Variants in KIFAP3 observed in about 807,000 individuals in gnomAD.
The protein encoded by KIFAP3 is kinesin associated protein 3.
A neutral mutation model predicts 106.5 loss-of-function variants in KIFAP3; 68 were observed. The observed-to-expected ratio is 0.64, with a 90% CI of 0.53 to 0.78. The LOEUF is 0.78. KIFAP3 is among the 30% of genes least tolerant of loss of function. The pLI is 0.00. For synonymous variants in KIFAP3, 320 were observed against 311.5 expected (o/e 1.03, Z -0.29); for missense variants, 780 against 941.8 (o/e 0.83, Z 2.25).
At chr1:170,043,933 G>A (rs1239243891) in intron 3 of KIFAP3, among the ~76,000 whole-genome samples, 1 of 152,124 alleles carries the variant, frequency 6.6e-6, no homozygotes, top group Non-Finnish European at 1.5e-5. Context: ...TAAAAAATCA[G>A]AAGACAAAGA....
chr1:169,970,357 C>T (rs1467685980), intron 17 of KIFAP3, among the ~76,000 whole-genome samples: 1 of 152,062 alleles, frequency 6.6e-6, no homozygotes, highest in Admixed American at 6.6e-5. Flanking sequence ...TGCCACCGCA[C>T]ACCTGTTTCA....
At chr1:169,960,010 T>C (rs1665235802) in intron 18 of KIFAP3, among the ~76,000 whole-genome samples, 1 of 152,086 alleles carries the variant, frequency 6.6e-6, no homozygotes, top group Admixed American at 6.5e-5. Flanking sequence ...TAAGTATCTA[T>C]ACCAAATACA....
intron 18 of KIFAP3, among the ~76,000 whole-genome samples, chr1:169,955,263 G>A (rs532867873): frequency 1.3e-5 from 2 of 152,236 alleles, no homozygotes; most frequent in Admixed American, 6.5e-5. Flanking sequence ...TGCAAATACT[G>A]TGCTAGGTCC....
In KIFAP3 at chr1:170,074,682, G is replaced by T. The variant is rs937157165; in HGVS notation, c.-215C>A. ...CAAAACACTGGAGCGGCCCAGACCC[G>T]CCCAGAGTCGCCTAAGCCGGGCCGT... On this transcript the variant is annotated 5_prime_UTR_variant, in exon 1 of 20. Transcript: ENST00000361580. 2.1e-6 allele frequency: 3 copies of T among 1,413,578 alleles called. No individual in the cohort carries two copies. The highest frequency in any genetic ancestry group is 1.5e-5 in the South Asian group (1 of 66,456). The allele number at this position is 1,413,578 out of a possible 1,614,324, so 87.6% of individuals were successfully genotyped here. A position where few individuals can be genotyped will look rare whatever the true frequency, so the allele number is the denominator to read the frequency against.
At chr1:170,046,992 T>G (rs938719782) in intron 2 of KIFAP3, 126 bp from the exon 3 acceptor site, 11 of 467,914 alleles carry the variant, frequency 2.4e-5, no homozygotes, top group Non-Finnish European at 3.8e-5. Context: ...CTTAGTAAAA[T>G]AAACTATTAG....
At chr1:170,077,221 C>A (rs1039034326), upstream of KIFAP3, among the ~76,000 whole-genome samples, 1 of 152,142 alleles carries the variant, frequency 6.6e-6, no homozygotes, top group East Asian at 1.9e-4. Flanking sequence ...AGGATGTGGG[C>A]GGGGCCAAAC....
chr1:169,973,105 G>GTGTGTGTATA (rs145406203), intron 16 of KIFAP3, among the ~76,000 whole-genome samples: 2 of 90,314 alleles, frequency 2.2e-5, no homozygotes, highest in African/African-American at 9.1e-5. Flanking sequence ...AAAATAGTGT[G>GTGTGTGTATA]TATATATATA....
rs574680778 is a variant in KIFAP3 at position 169,924,618 on chromosome 1, T to C, written c.2274-2837A>G. 1.8e-3 allele frequency among the ~76,000 whole-genome samples: 34 copies of C among 18,786 alleles called. No homozygotes were observed. In the African/African-American group the frequency reaches 0.025, roughly 14 times the overall value. The allele number at this position is 18,786 out of a possible 152,430, so 12.3% of individuals were successfully genotyped here. A position where few individuals can be genotyped will look rare whatever the true frequency, so the allele number is the denominator to read the frequency against. ...ACTGTGAAACATAACAGTTTGTTTCTTTAAACTCTCATTTGCTTCTTTCTA... is the reference window on the plus strand; with the variant it reads ...ACTGTGAAACATAACAGTTTGTTTCCTTAAACTCTCATTTGCTTCTTTCTA... On this transcript the variant is annotated intron_variant, in intron 19 of 19. Coordinates refer to ENST00000361580, the MANE Select transcript of KIFAP3 (RefSeq NM_014970.4).
At chr1:170,024,030 T>C (rs1205675328) in intron 9 of KIFAP3, 1 of 153,528 alleles carries the variant, frequency 6.5e-6, no homozygotes, top group Admixed American at 6.5e-5. Context: ...GAAGTGTAGG[T>C]AACAATGAAG....
chr1:169,942,886 A>G (rs1352990876), intron 19 of KIFAP3, among the ~76,000 whole-genome samples: 1 of 148,408 alleles, frequency 6.7e-6, no homozygotes, highest in Admixed American at 6.7e-5. Flanking sequence ...TGTCTTAGAT[A>G]CTTCCGTAAG....
At chr1:169,946,394 T>C (rs1282967522) in intron 19 of KIFAP3, among the ~76,000 whole-genome samples, 2 of 152,164 alleles carry the variant, frequency 1.3e-5, no homozygotes, top group Non-Finnish European at 2.9e-5. Context: ...GTAAACAGTA[T>C]GTCATGTTGC....
At chr1:170,022,636 C>G (rs1668904665) in intron 9 of KIFAP3, among the ~76,000 whole-genome samples, 5 of 152,220 alleles carry the variant, frequency 3.3e-5, no homozygotes, top group Admixed American at 2.6e-4. Flanking sequence ...AATCTTGATT[C>G]TACAGATGTC....
chr1:169,957,733 TCTC>T (rs1409821832), intron 18 of KIFAP3, among the ~76,000 whole-genome samples: 4 of 152,096 alleles, frequency 2.6e-5, no homozygotes, highest in Non-Finnish European at 4.4e-5. Context: ...TTCAAGCGAT[TCTC>T]CTGTCTCAGC....
At chr1:169,993,959 T>C (rs1448609223) in intron 10 of KIFAP3, among the ~76,000 whole-genome samples, 3 of 152,214 alleles carry the variant, frequency 2.0e-5, no homozygotes, top group Admixed American at 1.3e-4. Context: ...ATTTGATATA[T>C]TTATCTAACA....
chr1:170,084,727 T>C, intron 1 of KIFAP3, among the ~76,000 whole-genome samples: 1 of 152,176 alleles, frequency 6.6e-6, no homozygotes, highest in East Asian at 1.9e-4. Flanking sequence ...ACAGAATTAG[T>C]TTTGGGTGGA....
intron 1 of KIFAP3, among the ~76,000 whole-genome samples, chr1:170,084,306 A>G (rs1216662792): frequency 6.6e-6 from 1 of 152,168 alleles, no homozygotes; most frequent in African/African-American, 2.4e-5. Flanking sequence ...TTATTTGTTT[A>G]TACCTCTATC....
At chr1:169,973,532 TAA>T (rs762446839) in intron 16 of KIFAP3, among the ~76,000 whole-genome samples, 10 of 139,964 alleles carry the variant, frequency 7.1e-5, no homozygotes, top group Non-Finnish European at 7.9e-5. Flanking sequence ...AACTTGATAT[TAA>T]AAAAAAAAAA....
intron 1 of KIFAP3, among the ~76,000 whole-genome samples, chr1:170,082,693 C>T (rs1261489831): frequency 6.6e-6 from 1 of 152,068 alleles, no homozygotes; most frequent in Non-Finnish European, 1.5e-5. Flanking sequence ...ACACAGTTGG[C>T]CGGGCATGGT....
intron 10 of KIFAP3, among the ~76,000 whole-genome samples, chr1:170,007,684 C>A (rs566975424): frequency 8.5e-5 from 13 of 152,148 alleles, no homozygotes; most frequent in African/African-American, 2.9e-4. Context: ...GTGAAAATGG[C>A]CATACTACCC....
Sources: allele counts gnomAD v4.1 joint callset (sites outside exome capture counted in the v4.1 genomes callset), GRCh38; gene constraint gnomAD v4.1.1; transcripts MANE v1.5; gene names NCBI Gene and HGNC (gene_info 2026-07-23, HGNC 2026-07-21).